Variants in TOX observed in about 807,000 individuals in gnomAD.
TOX encodes thymocyte selection-associated high mobility group box protein TOX.
TOX carries 11 observed loss-of-function variants against 53.7 expected under a neutral mutation model. The observed-to-expected ratio is 0.20, with a 90% CI of 0.13 to 0.34. The LOEUF is 0.34. Ranked by LOEUF, TOX falls within the 10% of genes least tolerant of loss-of-function variation. TOX has a pLI of 1.00. For synonymous variants in TOX, 225 were observed against 245.3 expected (o/e 0.92, Z 0.77); for missense variants, 570 against 664.6 (o/e 0.86, Z 1.56).
intron 1 of TOX, among the ~76,000 whole-genome samples, chr8:59,013,292 C>T (rs1278886832): frequency 6.6e-6 from 1 of 152,132 alleles, no homozygotes; most frequent in Non-Finnish European, 1.5e-5. Flanking sequence ...CCTACGCTGT[C>T]ATCAATAATG....
chr8:58,860,108 G>C (rs970751733), intron 3 of TOX, among the ~76,000 whole-genome samples: 5 of 152,052 alleles, frequency 3.3e-5, no homozygotes, highest in African/African-American at 9.7e-5. Flanking sequence ...CATTTTATTC[G>C]ATTTTTTTCC....
intron 2 of TOX, among the ~76,000 whole-genome samples, chr8:58,949,122 T>C (rs1356429378): frequency 1.3e-5 from 2 of 152,206 alleles, no homozygotes; most frequent in Non-Finnish European, 1.5e-5. Context: ...TCATTAAGGA[T>C]ATATCAGGAT....
intron 3 of TOX, among the ~76,000 whole-genome samples, chr8:58,892,135 T>C (rs1340560666): frequency 6.6e-6 from 1 of 152,244 alleles, no homozygotes; most frequent in African/African-American, 2.4e-5. Context: ...ACTGTTGTTA[T>C]AATTGCTCCA....
In TOX at chr8:58,808,139, T is replaced by A; in HGVS notation, c.1523A>T (p.Asn508Ile). The A allele has an allele frequency of 6.2e-7, 1 of 1,613,690 alleles. No individual in the cohort carries two copies. The highest frequency in any genetic ancestry group is 8.5e-7 in the Non-Finnish European group (1 of 1,179,794). Residue 508 changes from asparagine (N) to isoleucine (I), a missense_variant, in exon 8 of 9, where the codon AAT becomes ATT. Coordinates refer to ENST00000361421, the MANE Select transcript of TOX (RefSeq NM_014729.3). The part of the protein sequence containing the change: ...RNPPPQPVDW[N>I]NDYCSSGGMQ... ...TTACCCACTACTGCAGTAGTCGTTA[T>A]TCCAGTCCACCGGTTGTGGGGGAGG...
chr8:58,844,131 G>A (rs1810685665), intron 4 of TOX, among the ~76,000 whole-genome samples: 1 of 152,106 alleles, frequency 6.6e-6, no homozygotes, highest in Non-Finnish European at 1.5e-5. Context: ...CTTTCTGAGA[G>A]TACTTGACTT....
At chr8:59,058,550 C>T (rs184221321) in intron 1 of TOX, among the ~76,000 whole-genome samples, 1 of 152,220 alleles carries the variant, frequency 6.6e-6, no homozygotes, top group East Asian at 1.9e-4. Context: ...CGGAAGAAGG[C>T]AAGCCACATT....
intron 3 of TOX, among the ~76,000 whole-genome samples, chr8:58,936,076 A>G (rs1357034900): frequency 2.6e-5 from 4 of 152,180 alleles, no homozygotes; most frequent in East Asian, 1.9e-4. Flanking sequence ...GGATTTTCCT[A>G]CAACACTGCT....
At chr8:59,095,555 C>G (rs1020923935) in intron 1 of TOX, among the ~76,000 whole-genome samples, 3 of 151,892 alleles carry the variant, frequency 2.0e-5, no homozygotes, top group African/African-American at 7.3e-5. Context: ...TACAGGCGTG[C>G]ACCACCATGC....
chr8:58,815,655 A>T lies in TOX; in HGVS notation c.1075T>A (p.Phe359Ile), dbSNP rs1219587713. 1.9e-6 allele frequency: 3 copies of T among 1,613,996 alleles called. No homozygotes were observed. In the African/African-American group the frequency reaches 4.0e-5, roughly 22 times the overall value. ...PQLINSKPSV[F>I]HGPSQAHSAL... ...GAGTGGGCCTGGCTGGGCCCATGGA[A>T]CACCGACGGCTTCGAATTGATCAGC... The change falls in exon 7 of 9, where the codon TTC becomes ATC. Residue 359 changes from phenylalanine to isoleucine, a missense_variant. Transcript: ENST00000361421.
intron 1 of TOX, among the ~76,000 whole-genome samples, chr8:59,028,075 A>C (rs1287191644): frequency 6.6e-6 from 1 of 152,180 alleles, no homozygotes; most frequent in East Asian, 1.9e-4. Context: ...TAACTGCATG[A>C]ATTTGTATCT....
intron 3 of TOX, among the ~76,000 whole-genome samples, chr8:58,927,056 T>G (rs1299571550): frequency 6.6e-6 from 1 of 152,052 alleles, no homozygotes; most frequent in Non-Finnish European, 1.5e-5. Context: ...CCTTTTTTTT[T>G]TTTTTCTTTT....
intron 1 of TOX, among the ~76,000 whole-genome samples, chr8:58,981,527 T>C (rs59506150): frequency 0.067 from 10,231 of 152,264 alleles, 428 homozygotes; most frequent in East Asian, 0.22. Context: ...ATGAAATTTA[T>C]CTGATTAATT....
chr8:59,082,533 T>C (rs530230663), intron 1 of TOX, among the ~76,000 whole-genome samples: 1 of 152,366 alleles, frequency 6.6e-6, no homozygotes, highest in East Asian at 1.9e-4. Context: ...CATCTCTACG[T>C]ATGTACATCA....
At chr8:58,901,170 A>G (rs890944190) in intron 3 of TOX, among the ~76,000 whole-genome samples, 1 of 152,194 alleles carries the variant, frequency 6.6e-6, no homozygotes, top group African/African-American at 2.4e-5. Context: ...TTAGTACAAC[A>G]CATTAAAATC....
intron 1 of TOX, among the ~76,000 whole-genome samples, chr8:59,025,197 G>A (rs1193023559): frequency 2.6e-5 from 4 of 152,058 alleles, no homozygotes; most frequent in Non-Finnish European, 5.9e-5. Flanking sequence ...CTGGGCCAGA[G>A]GATCCTAAAG....
chr8:59,100,421 C>T (rs1318368550), intron 1 of TOX, among the ~76,000 whole-genome samples: 1 of 152,042 alleles, frequency 6.6e-6, no homozygotes, highest in Non-Finnish European at 1.5e-5. Flanking sequence ...AAGGAAGCAC[C>T]GCTGACAGCC....
At chr8:59,062,022 G>A (rs1164678364) in intron 1 of TOX, among the ~76,000 whole-genome samples, 2 of 152,162 alleles carry the variant, frequency 1.3e-5, no homozygotes, top group Non-Finnish European at 2.9e-5. Flanking sequence ...TCCAAGAAGA[G>A]GCTTCCTGTA....
Position 59,030,279 on chromosome 8 carries a change from A to T in TOX, c.103-70271T>A, listed in dbSNP as rs141680171. On this transcript the variant is annotated intron_variant, in intron 1 of 8. Coordinates refer to ENST00000361421, the MANE Select transcript of TOX (RefSeq NM_014729.3). ...TTTATTGCACATATACAAAACAGTG[A>T]CATCTTAAGATGTAGGGGCCCTGTT... 4.7e-3 allele frequency among the ~76,000 whole-genome samples: 719 copies of T among 152,302 alleles called. 7 individuals carry two copies. Among genetic ancestry groups the T allele is most frequent in the African/African-American group, 0.017 (687 of 41,564 alleles).
intron 4 of TOX, among the ~76,000 whole-genome samples, chr8:58,841,753 C>T (rs532136625): frequency 1.3e-5 from 2 of 152,254 alleles, no homozygotes; most frequent in South Asian, 4.1e-4. Context: ...ATCAAAACAT[C>T]ACATTGTACA....
Sources: gnomAD v4.1 joint callset for allele counts (sites outside exome capture counted in the v4.1 genomes callset) on GRCh38, gnomAD v4.1.1 for gene constraint, MANE v1.5 for transcripts, NCBI Gene and HGNC (gene_info 2026-07-23, HGNC 2026-07-21) for gene names.